ARB2A: variants seen among roughly 807,000 people sequenced by gnomAD.
ARB2A encodes cotranscriptional regulator ARB2A.
the ARB2A span, chr5:93,863,973 A>G: frequency 6.6e-6 from 1 of 152,156 alleles, no homozygotes; most frequent in Non-Finnish European, 1.5e-5. Context: ...TATTTGTCAA[A>G]ACAAAAAATG....
At chr5:94,066,967 C>T in the ARB2A span, among the ~76,000 whole-genome samples, 1 of 152,132 alleles carries the variant, frequency 6.6e-6, no homozygotes, top group African/African-American at 2.4e-5. Context: ...CCAGATTCAA[C>T]AGCACATCAA....
chr5:93,907,834 A>T, the ARB2A span, among the ~76,000 whole-genome samples: 1 of 151,372 alleles, frequency 6.6e-6, no homozygotes, highest in Non-Finnish European at 1.5e-5. Flanking sequence ...ATCATGGCCA[A>T]TTTTAAATGC....
chr5:93,633,547 A>AT, the ARB2A span, among the ~76,000 whole-genome samples: 4 of 152,180 alleles, frequency 2.6e-5, no homozygotes. Flanking sequence ...GTCCAGTTCC[A>AT]TTGACATTCC....
At chr5:93,801,907 C>T in the ARB2A span, among the ~76,000 whole-genome samples, 4 of 152,056 alleles carry the variant, frequency 2.6e-5, no homozygotes, top group Admixed American at 6.6e-5. Context: ...TCAAATACAA[C>T]CAAAATTATA....
chr5:94,061,876 G>C, the ARB2A span, among the ~76,000 whole-genome samples: 14 of 152,238 alleles, frequency 9.2e-5, no homozygotes, highest in South Asian at 2.7e-3. Flanking sequence ...TTATCTAAAA[G>C]TTTAAATACA....
At chr5:93,973,673 C>A in the ARB2A span, among the ~76,000 whole-genome samples, 1 of 152,256 alleles carries the variant, frequency 6.6e-6, no homozygotes, top group East Asian at 1.9e-4. Flanking sequence ...AAAAGAATCA[C>A]ATCACCAATA....
chr5:93,687,925 GC>G, the ARB2A span, among the ~76,000 whole-genome samples: 2 of 151,552 alleles, frequency 1.3e-5, no homozygotes, highest in Non-Finnish European at 2.9e-5. Flanking sequence ...CTACTTCCAG[GC>G]AAAACCAAAA....
the ARB2A span, chr5:93,741,529 G>C: frequency 6.3e-7 from 1 of 1,598,980 alleles, no homozygotes; most frequent in Non-Finnish European, 8.5e-7. Flanking sequence ...GCCTGGAAGG[G>C]GGCAGAAGTG....
the ARB2A span, among the ~76,000 whole-genome samples, chr5:93,951,513 TA>T: frequency 6.6e-6 from 1 of 152,190 alleles, no homozygotes; most frequent in South Asian, 2.1e-4. Context: ...TGGTGAGAGA[TA>T]GGGGTCTAGT....
chr5:93,625,084 G>A, the ARB2A span, among the ~76,000 whole-genome samples: 2 of 152,060 alleles, frequency 1.3e-5, no homozygotes, highest in African/African-American at 2.4e-5. Flanking sequence ...GTATCAGCCC[G>A]CATCTGTAGC....
the ARB2A span, among the ~76,000 whole-genome samples, chr5:93,793,239 ATTTTTTTTTT>A: frequency 1.9e-4 from 12 of 64,776 alleles, no homozygotes; most frequent in Non-Finnish European, 2.6e-4. Context: ...CTTCTGGCTA[ATTTTTTTTTT>A]TTTTTTTTTT....
chr5:93,992,064 ACTC>A, the ARB2A span, among the ~76,000 whole-genome samples: 1 of 152,004 alleles, frequency 6.6e-6, no homozygotes, highest in African/African-American at 2.4e-5. Flanking sequence ...AAGACATACA[ACTC>A]CTCAACAGAA....
the ARB2A span, among the ~76,000 whole-genome samples, chr5:93,935,025 A>AGGCATAGTTCTCACTCATAAGTG: frequency 6.6e-6 from 1 of 152,148 alleles, no homozygotes; most frequent in Non-Finnish European, 1.5e-5. Context: ...GAGCTAAGCT[A>AGGCATAGTTCTCACTCATAAGTG]GGAGGACGCA....
chr5:93,693,045 T>C, the ARB2A span, among the ~76,000 whole-genome samples: 1 of 152,124 alleles, frequency 6.6e-6, no homozygotes, highest in African/African-American at 2.4e-5. Context: ...TGGGACACAG[T>C]GAAAGCAGTG....
At chr5:93,831,094 A>G in the ARB2A span, among the ~76,000 whole-genome samples, 1 of 152,060 alleles carries the variant, frequency 6.6e-6, no homozygotes, top group South Asian at 2.1e-4. Flanking sequence ...TGGTAATGCG[A>G]GCAATGGGGA....
chr5:93,658,314 G>T, the ARB2A span, among the ~76,000 whole-genome samples: 1 of 151,994 alleles, frequency 6.6e-6, no homozygotes, highest in African/African-American at 2.4e-5. Flanking sequence ...TCCATCTTTG[G>T]TCATAGTAAA....
At chr5:93,803,853 G>C in the ARB2A span, among the ~76,000 whole-genome samples, 5 of 151,932 alleles carry the variant, frequency 3.3e-5, no homozygotes, top group African/African-American at 1.2e-4. Context: ...GTAGAAAACG[G>C]GAAAGGTAAG....
the ARB2A span, chr5:93,881,293 T>C: frequency 2.1e-6 from 1 of 481,464 alleles, no homozygotes; most frequent in Non-Finnish European, 3.6e-6. Flanking sequence ...GAAATAAGAA[T>C]GATGCGTTTT....
the ARB2A span, among the ~76,000 whole-genome samples, chr5:94,028,266 T>C: frequency 4.6e-5 from 7 of 152,262 alleles, 1 homozygote; most frequent in South Asian, 1.4e-3. Flanking sequence ...CAGTAAGACA[T>C]GTGGGAGCAT....
Sources: gnomAD v4.1 joint callset for allele counts (sites outside exome capture counted in the v4.1 genomes callset) on GRCh38, gnomAD v4.1.1 for gene constraint, MANE v1.5 for transcripts, NCBI Gene and HGNC (gene_info 2026-07-23, HGNC 2026-07-21) for gene names.